Variants in CWC27 observed in about 807,000 individuals in gnomAD.
CWC27 encodes spliceosome-associated protein CWC27 homolog.
In CWC27, 47 loss-of-function variants were observed where a neutral mutation model predicts 63.6. The observed-to-expected ratio is 0.74, with a 90% CI of 0.58 to 0.94. The LOEUF (loss-of-function observed/expected upper bound fraction) is 0.94, where lower values mean the gene tolerates loss of function less well. CWC27 is among the 40% of genes least tolerant of loss of function. CWC27 has a pLI of 0.00. For synonymous variants in CWC27, 175 were observed against 179.8 expected (o/e 0.97, Z 0.22); for missense variants, 495 against 554.3 (o/e 0.89, Z 1.07).
At position 65,018,314 on chromosome 5, in the gene CWC27, G is replaced by A. The variant is rs779259350; in HGVS notation, c.1412G>A (p.Arg471Lys). 9.8e-5 allele frequency: 156 copies of A among 1,591,586 alleles called. No individual in the cohort carries two copies. In the Middle Eastern group the frequency reaches 1.1e-3, roughly 11 times the overall value. Residue 471 changes from arginine to lysine, a missense_variant, in exon 14 of 14, where the codon AGA becomes AAA. Transcript: ENST00000381070. ...AAGCTGATGAGAGAGAAAAAAGAAA[G>A]AAGATAAAATGAGAATAATGATAAC... Reference protein sequence around the residue: ...SKKLMREKKERR With the variant: ...SKKLMREKKEKR
intron 9 of CWC27, among the ~76,000 whole-genome samples, chr5:64,802,381 G>A (rs1357574255): frequency 6.6e-6 from 1 of 152,164 alleles, no homozygotes; most frequent in Non-Finnish European, 1.5e-5. Flanking sequence ...CTTCATTACA[G>A]AGCTTCATAG....
intron 11 of CWC27, among the ~76,000 whole-genome samples, chr5:64,910,185 C>T (rs946636645): frequency 3.9e-5 from 6 of 152,218 alleles, no homozygotes; most frequent in Non-Finnish European, 7.3e-5. Context: ...AGAGTCAGGT[C>T]CCTCAGCTGC....
At chr5:64,892,699 G>A (rs12657887) in intron 11 of CWC27, among the ~76,000 whole-genome samples, 57,158 of 151,776 alleles carry the variant, frequency 0.38, 11,531 homozygotes, top group East Asian at 0.52. Context: ...ATCACACAAC[G>A]TGAGATATAG....
chr5:64,977,782 T>C (rs1285365370), intron 13 of CWC27, among the ~76,000 whole-genome samples: 1 of 151,956 alleles, frequency 6.6e-6, no homozygotes, highest in East Asian at 1.9e-4. Context: ...CATATACATA[T>C]CCTTTGCTTA....
chr5:64,796,150 T>C (rs1425616925), intron 7 of CWC27, among the ~76,000 whole-genome samples: 1 of 152,000 alleles, frequency 6.6e-6, no homozygotes, highest in Non-Finnish European at 1.5e-5. Context: ...CTAAAATATC[T>C]TTTTTAACTA....
At chr5:65,016,651 G>A (rs1167674212) in intron 13 of CWC27, among the ~76,000 whole-genome samples, 1 of 152,144 alleles carries the variant, frequency 6.6e-6, no homozygotes, top group Non-Finnish European at 1.5e-5. Context: ...CAGCCCTGGT[G>A]AGCAGCAGCT....
chr5:64,962,788 G>A (rs1026797227), intron 11 of CWC27, among the ~76,000 whole-genome samples: 3 of 152,122 alleles, frequency 2.0e-5, no homozygotes, highest in Non-Finnish European at 4.4e-5. Flanking sequence ...TGGTGCCTAG[G>A]ATTCCTATGG....
intron 12 of CWC27, among the ~76,000 whole-genome samples, chr5:64,976,872 A>G (rs1010669742): frequency 3.9e-5 from 6 of 152,198 alleles, no homozygotes; most frequent in South Asian, 2.1e-4. Flanking sequence ...TCTGTCTTCT[A>G]TGTAAGCAAA....
At chr5:64,814,561 T>C (rs1372053614) in intron 10 of CWC27, among the ~76,000 whole-genome samples, 1 of 152,156 alleles carries the variant, frequency 6.6e-6, no homozygotes, top group Non-Finnish European at 1.5e-5. Context: ...CTTTTACAAA[T>C]GTAAAAACTG....
chr5:64,779,831 G>C (rs1040857427), intron 2 of CWC27, among the ~76,000 whole-genome samples: 2 of 152,134 alleles, frequency 1.3e-5, no homozygotes, highest in East Asian at 1.9e-4. Flanking sequence ...TTGTGATAAT[G>C]AGTGAGTCTC....
chr5:64,778,794 A>G (rs1743549748), intron 2 of CWC27, among the ~76,000 whole-genome samples: 2 of 152,182 alleles, frequency 1.3e-5, no homozygotes, highest in African/African-American at 4.8e-5. Context: ...TATAGTATCT[A>G]TTTGTAACCA....
At chr5:64,980,753 T>C (rs1421142567) in intron 13 of CWC27, among the ~76,000 whole-genome samples, 1 of 152,166 alleles carries the variant, frequency 6.6e-6, no homozygotes, top group African/African-American at 2.4e-5. Flanking sequence ...AACAATTGCA[T>C]GGTTGCCTCA....
intron 11 of CWC27, among the ~76,000 whole-genome samples, chr5:64,930,109 A>G (rs1413909559): frequency 6.6e-6 from 1 of 152,202 alleles, no homozygotes; most frequent in East Asian, 1.9e-4. Context: ...AAGCCAGAAT[A>G]CAAAAGACCA....
intron 10 of CWC27, among the ~76,000 whole-genome samples, chr5:64,858,323 G>A (rs1221843423): frequency 1.4e-4 from 21 of 149,058 alleles, no homozygotes; most frequent in African/African-American, 3.7e-4. Context: ...TTAGCAGGGC[G>A]TGGTGGCGGA....
intron 1 of CWC27, among the ~76,000 whole-genome samples, chr5:64,773,363 C>T (rs1743331339): frequency 6.6e-6 from 1 of 152,100 alleles, no homozygotes; most frequent in Non-Finnish European, 1.5e-5. Context: ...ACACAAAAGG[C>T]CACATATTGT....
intron 7 of CWC27, 66 bp from the exon 8 acceptor site, chr5:64,800,182 G>T (rs1744438520): frequency 7.2e-6 from 8 of 1,103,902 alleles, no homozygotes; most frequent in Non-Finnish European, 1.1e-5. Context: ...ATGTAAATTT[G>T]TTAACTTGTT....
chr5:64,788,915 CTTTCT>C (rs767290141), intron 6 of CWC27, 31 bp from the exon 7 acceptor site: 9 of 1,376,540 alleles, frequency 6.5e-6, no homozygotes, highest in Non-Finnish European at 7.9e-6. Flanking sequence ...TTGACTTTCT[CTTTCT>C]TTTTTTTTTT....
intron 5 of CWC27, 46 bp from the exon 6 acceptor site, chr5:64,786,478 A>T (rs1483517181): frequency 8.2e-7 from 1 of 1,219,598 alleles, no homozygotes; most frequent in Admixed American, 2.9e-5. Context: ...ATTTTTTGTG[A>T]AATGTTAAAA....
At chr5:64,957,006 C>T (rs1748814521) in intron 11 of CWC27, among the ~76,000 whole-genome samples, 1 of 152,114 alleles carries the variant, frequency 6.6e-6, no homozygotes. Context: ...TTAGAAGCTA[C>T]TTTATTGCTT....
Sources: allele counts gnomAD v4.1 joint callset (sites outside exome capture counted in the v4.1 genomes callset), GRCh38; gene constraint gnomAD v4.1.1; transcripts MANE v1.5; gene names NCBI Gene and HGNC (gene_info 2026-07-23, HGNC 2026-07-21).